The following PCDH9 variants were observed in gnomAD, a reference collection of about 807,000 sequenced individuals.
The protein encoded by PCDH9 is protocadherin-9.
In PCDH9, 24 loss-of-function variants were observed where a neutral mutation model predicts 70.6. The observed-to-expected ratio is 0.34, with a 90% CI of 0.25 to 0.48. The LOEUF (loss-of-function observed/expected upper bound fraction) is 0.48, where lower values mean the gene tolerates loss of function less well. Ranked by LOEUF, PCDH9 falls within the 20% of genes least tolerant of loss-of-function variation. The pLI is 0.99. For synonymous variants in PCDH9, 562 were observed against 558.5 expected, an observed-to-expected ratio of 1.01 and a Z score of -0.09; for missense variants, 1,281 against 1,503.6, an observed-to-expected ratio of 0.85 and a Z score of 2.45.
At chr13:67,161,770 T>G (rs1393761324) in intron 2 of PCDH9, among the ~76,000 whole-genome samples, 1 of 152,164 alleles carries the variant, frequency 6.6e-6, no homozygotes, top group Non-Finnish European at 1.5e-5. Context: ...TCAGGGAGAA[T>G]AATAGAAAAG....
intron 2 of PCDH9, among the ~76,000 whole-genome samples, chr13:67,146,012 TTC>T (rs1024527023): frequency 2.2e-4 from 33 of 152,130 alleles, no homozygotes; most frequent in Admixed American, 7.9e-4. Flanking sequence ...TAAGAATTAA[TTC>T]TGTCTGCTAT....
At position 66,871,252 on chromosome 13, in the gene PCDH9, G is replaced by T. The variant is rs1594183214; in HGVS notation, c.3138+32252C>A. Among the ~76,000 whole-genome samples the T allele has an allele frequency of 4.6e-5, 7 of 151,194 alleles. No homozygotes were observed. The East Asian group carries it at 1.2e-3, about 25-fold the overall frequency. ...GGGGACTGTTGTGGGGTGGGGGGAT[G>T]GGGGAGGGATAGCATTAGGAGATAT... is the stretch of plus-strand genomic sequence containing the variant. On this transcript the variant is annotated intron_variant, in intron 3 of 4. Coordinates refer to ENST00000377865, the MANE Select transcript of PCDH9 (RefSeq NM_203487.3).
chr13:66,372,992 A>T (rs9540729), intron 4 of PCDH9, among the ~76,000 whole-genome samples: 66,561 of 151,690 alleles, frequency 0.44, 14,987 homozygotes, highest in Non-Finnish European at 0.51. Context: ...TACATATCCA[A>T]AAGAATTAAA....
intron 4 of PCDH9, among the ~76,000 whole-genome samples, chr13:66,337,203 T>A (rs1415612969): frequency 1.3e-5 from 2 of 151,994 alleles, no homozygotes; most frequent in Admixed American, 1.3e-4. Context: ...TTATTAAAAA[T>A]ACTAAAAATA....
intron 3 of PCDH9, among the ~76,000 whole-genome samples, chr13:66,690,557 A>G (rs1400186129): frequency 1.3e-5 from 2 of 152,202 alleles, no homozygotes; most frequent in Non-Finnish European, 2.9e-5. Context: ...GAATAAAAAA[A>G]GGCTATGAAA....
At chr13:66,488,893 A>G (rs1462918931) in intron 4 of PCDH9, among the ~76,000 whole-genome samples, 1 of 152,166 alleles carries the variant, frequency 6.6e-6, no homozygotes, top group East Asian at 1.9e-4. Flanking sequence ...CTTAAATAGA[A>G]CAAACCAACC....
At chr13:66,636,227 A>C (rs989436055) in intron 3 of PCDH9, among the ~76,000 whole-genome samples, 20 of 152,290 alleles carry the variant, frequency 1.3e-4, no homozygotes, top group African/African-American at 4.8e-4. Flanking sequence ...TGTAATAATA[A>C]AACATATCCC....
At chr13:66,886,917 G>T (rs1033269651) in intron 3 of PCDH9, among the ~76,000 whole-genome samples, 4 of 151,768 alleles carry the variant, frequency 2.6e-5, no homozygotes, top group African/African-American at 9.7e-5. Context: ...GAATTGCTGT[G>T]TTTTTTTAAC....
intron 3 of PCDH9, among the ~76,000 whole-genome samples, chr13:66,682,392 CT>C (rs777584333): frequency 5.8e-4 from 58 of 99,720 alleles, no homozygotes; most frequent in South Asian, 2.7e-3. Context: ...ATCTATCTAT[CT>C]ATCTATCATC....
At chr13:66,672,995 A>T in intron 3 of PCDH9, among the ~76,000 whole-genome samples, 1 of 152,146 alleles carries the variant, frequency 6.6e-6, no homozygotes, top group Non-Finnish European at 1.5e-5. Context: ...TTTTGAGTTA[A>T]TGCTGAAATG....
At chr13:66,594,604 C>A (rs1399925249) in intron 4 of PCDH9, among the ~76,000 whole-genome samples, 2 of 151,134 alleles carry the variant, frequency 1.3e-5, no homozygotes, top group Non-Finnish European at 3.0e-5. Context: ...ACCTGTCAAC[C>A]CATCACCTAG....
At chr13:66,619,417 T>G (rs897090406) in intron 4 of PCDH9, among the ~76,000 whole-genome samples, 2 of 152,174 alleles carry the variant, frequency 1.3e-5, no homozygotes, top group Non-Finnish European at 1.5e-5. Context: ...ATAAAACTTT[T>G]AGAATTTGAA....
intron 3 of PCDH9, among the ~76,000 whole-genome samples, chr13:66,727,921 C>T (rs7989494): frequency 0.51 from 77,862 of 151,718 alleles, 20,037 homozygotes; most frequent in Middle Eastern, 0.57. Flanking sequence ...TCTAAGATGT[C>T]GTAGTGGCAA....
rs188381331 is a variant in PCDH9, at chr13:67,086,677, T to C, written c.3036+138728A>G. ...TAGATCTGTAGCCAGGTGAACTTAG[T>C]GAAGGCAAAGTCATCAATATAAAAG... On this transcript the variant is annotated intron_variant, in intron 2 of 4. Coordinates refer to ENST00000377865, the MANE Select transcript of PCDH9 (RefSeq NM_203487.3). Among the ~76,000 whole-genome samples the C allele has an allele frequency of 8.4e-4, 128 of 152,194 alleles. 1 individual carries two copies. Among genetic ancestry groups the C allele is most frequent in the South Asian group, 5.0e-3 (24 of 4,832 alleles).
chr13:66,381,517 T>G (rs1168573839), intron 4 of PCDH9, among the ~76,000 whole-genome samples: 1 of 152,160 alleles, frequency 6.6e-6, no homozygotes, highest in Admixed American at 6.5e-5. Flanking sequence ...TATTGGCTTT[T>G]TGTAAATTAA....
intron 3 of PCDH9, among the ~76,000 whole-genome samples, chr13:66,793,973 A>T (rs1185472841): frequency 6.6e-6 from 1 of 152,150 alleles, no homozygotes; most frequent in Admixed American, 6.6e-5. Flanking sequence ...TCTAAACCCG[A>T]CATTGCTAAT....
intron 2 of PCDH9, among the ~76,000 whole-genome samples, chr13:66,971,652 A>G (rs1181246363): frequency 6.6e-6 from 1 of 151,960 alleles, no homozygotes; most frequent in Non-Finnish European, 1.5e-5. Context: ...TGCAAATCTA[A>G]TGCACACTGG....
At chr13:66,691,804 T>C (rs1270225372) in intron 3 of PCDH9, among the ~76,000 whole-genome samples, 5 of 152,184 alleles carry the variant, frequency 3.3e-5, no homozygotes, top group African/African-American at 1.2e-4. Context: ...TTACATTGTG[T>C]TTACAAATTT....
At chr13:66,814,371 T>G (rs1008409062) in intron 3 of PCDH9, among the ~76,000 whole-genome samples, 4 of 152,116 alleles carry the variant, frequency 2.6e-5, no homozygotes, top group Non-Finnish European at 4.4e-5. Context: ...TAATTAATGT[T>G]GAAGTTTATG....
Sources: gnomAD v4.1 joint callset for allele counts (sites outside exome capture counted in the v4.1 genomes callset) on GRCh38, gnomAD v4.1.1 for gene constraint, MANE v1.5 for transcripts, NCBI Gene and HGNC (gene_info 2026-07-23, HGNC 2026-07-21) for gene names.